Variants in LINGO2 observed in about 807,000 individuals in gnomAD.
LINGO2 encodes the protein leucine-rich repeat and immunoglobulin-like domain-containing nogo receptor-interacting protein 2.
LINGO2 carries 14 observed loss-of-function variants against 30.6 expected under a neutral mutation model. That is an observed-to-expected ratio of 0.46 (90% CI 0.30 to 0.72). LINGO2 has a LOEUF of 0.72. Ranked by LOEUF, LINGO2 falls within the 30% of genes least tolerant of loss-of-function variation. The pLI, the probability that LINGO2 is intolerant of heterozygous loss-of-function variation, is 0.07. For synonymous variants in LINGO2, 317 were observed against 288.5 expected (o/e 1.10, Z -1.00); for missense variants, 729 against 751.7 (o/e 0.97, Z 0.35).
the LINGO2 span, among the ~76,000 whole-genome samples, chr9:29,069,941 C>T: frequency 6.6e-6 from 1 of 152,008 alleles, no homozygotes; most frequent in Non-Finnish European, 1.5e-5. Context: ...AGCTCTAAAA[C>T]AGCCAGGCGG....
intron 4 of LINGO2, among the ~76,000 whole-genome samples, chr9:28,192,716 T>C (rs981041789): frequency 6.6e-6 from 1 of 152,228 alleles, no homozygotes; most frequent in Admixed American, 6.5e-5. Flanking sequence ...AGACACTTTA[T>C]GCAAAATGCT....
the LINGO2 span, among the ~76,000 whole-genome samples, chr9:28,958,746 AG>A: frequency 6.6e-6 from 1 of 151,924 alleles, no homozygotes; most frequent in African/African-American, 2.4e-5. Flanking sequence ...AAGGGAAGGG[AG>A]GGGGGAGAGG....
chr9:29,034,417 A>G, the LINGO2 span, among the ~76,000 whole-genome samples: 1 of 152,132 alleles, frequency 6.6e-6, no homozygotes, highest in Non-Finnish European at 1.5e-5. Flanking sequence ...TTACACTAAC[A>G]TATTGCGTGA....
At chr9:28,430,405 T>A (rs1823614210) in intron 2 of LINGO2, among the ~76,000 whole-genome samples, 2 of 152,164 alleles carry the variant, frequency 1.3e-5, no homozygotes, top group Admixed American at 1.3e-4. Flanking sequence ...CACACAAGCA[T>A]GACAAAGTAC....
chr9:28,999,680 T>C, the LINGO2 span, among the ~76,000 whole-genome samples: 1 of 151,958 alleles, frequency 6.6e-6, no homozygotes, highest in South Asian at 2.1e-4. Context: ...TTTGATACAA[T>C]AAATTAAAAG....
intron 4 of LINGO2, among the ~76,000 whole-genome samples, chr9:28,077,966 G>A (rs1159943572): frequency 6.7e-6 from 1 of 149,192 alleles, no homozygotes; most frequent in Non-Finnish European, 1.5e-5. Context: ...TCTAGAGAAT[G>A]ATGTGGTTGT....
At chr9:28,636,429 T>C (rs372231231) in intron 1 of LINGO2, among the ~76,000 whole-genome samples, 1 of 152,166 alleles carries the variant, frequency 6.6e-6, no homozygotes, top group Non-Finnish European at 1.5e-5. Flanking sequence ...AACTAGTTTA[T>C]AGTCCCACCA....
At chr9:28,537,701 TA>T (rs754721442) in intron 1 of LINGO2, among the ~76,000 whole-genome samples, 10 of 151,928 alleles carry the variant, frequency 6.6e-5, no homozygotes, top group Non-Finnish European at 1.2e-4. Flanking sequence ...AGTGAATACA[TA>T]AAAGGTATGA....
chr9:28,909,629 A>G, the LINGO2 span, among the ~76,000 whole-genome samples: 1 of 152,020 alleles, frequency 6.6e-6, no homozygotes. Context: ...CAAGATTCAC[A>G]AACATATTGC....
At chr9:28,912,172 T>A in the LINGO2 span, among the ~76,000 whole-genome samples, 1 of 152,122 alleles carries the variant, frequency 6.6e-6, no homozygotes, top group East Asian at 1.9e-4. Context: ...ATCGTTATAA[T>A]TGCAATAATT....
chr9:28,946,389 A>G, the LINGO2 span, among the ~76,000 whole-genome samples: 1 of 152,114 alleles, frequency 6.6e-6, no homozygotes, highest in Non-Finnish European at 1.5e-5. Flanking sequence ...CTTCTGTAAA[A>G]TTTTTTAAAG....
the LINGO2 span, among the ~76,000 whole-genome samples, chr9:28,914,474 TAAA>T: frequency 6.6e-6 from 1 of 152,112 alleles, no homozygotes; most frequent in Admixed American, 6.5e-5. Flanking sequence ...AAAACAAAAA[TAAA>T]AAACTCATCC....
chr9:28,155,008 C>A (rs1198678497), intron 4 of LINGO2, among the ~76,000 whole-genome samples: 1 of 152,080 alleles, frequency 6.6e-6, no homozygotes, highest in Non-Finnish European at 1.5e-5. Context: ...CTTGTGAATT[C>A]TAGTCAGAAA....
At chr9:28,178,634 G>A (rs1828814440) in intron 4 of LINGO2, among the ~76,000 whole-genome samples, 1 of 152,132 alleles carries the variant, frequency 6.6e-6, no homozygotes, top group South Asian at 2.1e-4. Flanking sequence ...ATCTTCAGAA[G>A]TTAAAGTTGA....
At chr9:28,716,546 T>C in the LINGO2 span, among the ~76,000 whole-genome samples, 1 of 152,072 alleles carries the variant, frequency 6.6e-6, no homozygotes, top group Admixed American at 6.6e-5. Context: ...TTGTCACAAA[T>C]ATAGTTTCCT....
At chr9:28,623,359 G>C (rs1227968661) in intron 1 of LINGO2, among the ~76,000 whole-genome samples, 1 of 152,010 alleles carries the variant, frequency 6.6e-6, no homozygotes, top group African/African-American at 2.4e-5. Flanking sequence ...ATTTTGATTT[G>C]ATTTTTGTAT....
At chr9:28,869,139 C>G in the LINGO2 span, among the ~76,000 whole-genome samples, 2 of 151,858 alleles carry the variant, frequency 1.3e-5, no homozygotes, top group African/African-American at 4.8e-5. Context: ...TCTAATTATC[C>G]ATTCATCAAA....
chr9:28,356,163 T>C (rs1820200376), intron 3 of LINGO2, among the ~76,000 whole-genome samples: 2 of 152,276 alleles, frequency 1.3e-5, no homozygotes, highest in South Asian at 4.1e-4. Context: ...ACAAAGATAT[T>C]TGCTTCTGGC....
At chr9:28,902,785 G>A in the LINGO2 span, among the ~76,000 whole-genome samples, 1 of 151,920 alleles carries the variant, frequency 6.6e-6, no homozygotes, top group Non-Finnish European at 1.5e-5. Flanking sequence ...AACAAAAAAT[G>A]AGTCAACAAA....
Sources: allele counts gnomAD v4.1 joint callset (sites outside exome capture counted in the v4.1 genomes callset), GRCh38; gene constraint gnomAD v4.1.1; transcripts MANE v1.5; gene names NCBI Gene and HGNC (gene_info 2026-07-23, HGNC 2026-07-21).